Variants in CNTN5 observed in about 807,000 individuals in gnomAD.
The protein encoded by CNTN5 is contactin 5.
CNTN5 carries 77 observed loss-of-function variants against 129.1 expected under a neutral mutation model. The observed-to-expected ratio is 0.60, with a 90% CI of 0.50 to 0.72. The LOEUF (loss-of-function observed/expected upper bound fraction) is 0.72, where lower values mean the gene tolerates loss of function less well. CNTN5 is among the 30% of genes least tolerant of loss of function. CNTN5 has a pLI of 0.00. For synonymous variants in CNTN5, 509 were observed against 465.6 expected (o/e 1.09, Z -1.20); for missense variants, 1,478 against 1,328.8 (o/e 1.11, Z -1.75).
chr11:100,094,266 C>G (rs1466189), intron 13 of CNTN5, among the ~76,000 whole-genome samples: 6,204 of 152,046 alleles, frequency 0.041, 404 homozygotes, highest in African/African-American at 0.14. Flanking sequence ...TCTTCTTTCT[C>G]CACCTCTTCA....
intron 18 of CNTN5, among the ~76,000 whole-genome samples, chr11:100,279,104 T>C (rs548148857): frequency 3.9e-5 from 6 of 152,168 alleles, no homozygotes; most frequent in South Asian, 2.1e-4. Flanking sequence ...ATGTATCACA[T>C]TGACTTATTT....
chr11:99,409,384 C>G (rs998913037), intron 2 of CNTN5, among the ~76,000 whole-genome samples: 1 of 152,132 alleles, frequency 6.6e-6, no homozygotes, highest in Admixed American at 6.5e-5. Flanking sequence ...AGGAGAATGG[C>G]GTGAACCCGG....
At chr11:99,788,099 C>T (rs374346488) in intron 3 of CNTN5, among the ~76,000 whole-genome samples, 1 of 151,928 alleles carries the variant, frequency 6.6e-6, no homozygotes, top group East Asian at 1.9e-4. Context: ...GGCTTTGCTT[C>T]GTTCTATTTT....
At chr11:99,726,154 A>G (rs952732842) in intron 3 of CNTN5, among the ~76,000 whole-genome samples, 3 of 152,132 alleles carry the variant, frequency 2.0e-5, no homozygotes, top group Non-Finnish European at 1.5e-5. Flanking sequence ...ACCATCACTT[A>G]TGACTACACT....
At chr11:99,262,845 T>C (rs1292449423) in intron 1 of CNTN5, among the ~76,000 whole-genome samples, 1 of 152,096 alleles carries the variant, frequency 6.6e-6, no homozygotes, top group Non-Finnish European at 1.5e-5. Context: ...GCTTACAATT[T>C]ATTCTTTCTC....
At chr11:99,954,487 G>A (rs1307827173) in intron 7 of CNTN5, among the ~76,000 whole-genome samples, 4 of 152,098 alleles carry the variant, frequency 2.6e-5, no homozygotes, top group Non-Finnish European at 5.9e-5. Context: ...TATTTTTAAG[G>A]GCCAGGTGCA....
intron 21 of CNTN5, among the ~76,000 whole-genome samples, chr11:100,317,480 A>G (rs935186661): frequency 6.6e-6 from 1 of 152,226 alleles, no homozygotes; most frequent in African/African-American, 2.4e-5. Flanking sequence ...ATAAGAAACT[A>G]AACAATAAGA....
intron 3 of CNTN5, among the ~76,000 whole-genome samples, chr11:99,765,173 T>C (rs1944711244): frequency 6.6e-6 from 1 of 152,036 alleles, no homozygotes. Flanking sequence ...GAGTCCAGTT[T>C]CTCTATTAGA....
intron 12 of CNTN5, among the ~76,000 whole-genome samples, chr11:100,072,676 G>A (rs1943969491): frequency 6.6e-6 from 1 of 152,098 alleles, no homozygotes; most frequent in African/African-American, 2.4e-5. Context: ...GAATCTTGGA[G>A]CCCACCATTT....
chr11:99,771,470 A>T (rs1046707579), intron 3 of CNTN5, among the ~76,000 whole-genome samples: 1 of 152,198 alleles, frequency 6.6e-6, no homozygotes, highest in East Asian at 1.9e-4. Context: ...ATTTGGCCAT[A>T]ACAAGCAAGA....
chr11:99,183,642 G>A (rs904818519), intron 1 of CNTN5, among the ~76,000 whole-genome samples: 1 of 151,962 alleles, frequency 6.6e-6, no homozygotes, highest in Non-Finnish European at 1.5e-5. Context: ...ATTCTCCAAA[G>A]CTCTATCCTC....
intron 11 of CNTN5, 43 bp downstream of exon 11, chr11:100,070,603 G>A (rs200786557): frequency 1.2e-5 from 19 of 1,595,044 alleles, no homozygotes; most frequent in South Asian, 2.2e-5. Flanking sequence ...TAATTTTAGC[G>A]AGATTTCACA....
At chr11:99,454,753 A>C (rs990171759) in intron 2 of CNTN5, among the ~76,000 whole-genome samples, 1 of 152,286 alleles carries the variant, frequency 6.6e-6, no homozygotes, top group African/African-American at 2.4e-5. Context: ...GCTGTGTAGA[A>C]ATACCTGATA....
At chr11:99,803,633 C>T (rs1240964403) in intron 3 of CNTN5, among the ~76,000 whole-genome samples, 2 of 152,166 alleles carry the variant, frequency 1.3e-5, no homozygotes, top group African/African-American at 2.4e-5. Flanking sequence ...CTATGTTGCT[C>T]CTAGATCCTC....
At chr11:100,141,875 G>A (rs79058622) in intron 13 of CNTN5, among the ~76,000 whole-genome samples, 5,777 of 152,168 alleles carry the variant, frequency 0.038, 354 homozygotes, top group African/African-American at 0.13. Context: ...ATGTCTAGGT[G>A]TGTCTGTGAG....
intron 13 of CNTN5, among the ~76,000 whole-genome samples, chr11:100,078,780 GATA>G (rs775235615): frequency 2.0e-4 from 30 of 152,238 alleles, no homozygotes; most frequent in Admixed American, 3.9e-4. Flanking sequence ...TATGTATAAT[GATA>G]ATGATACTGA....
chr11:100,079,035 A>C (rs1944257694), intron 13 of CNTN5, among the ~76,000 whole-genome samples: 1 of 152,146 alleles, frequency 6.6e-6, no homozygotes, highest in African/African-American at 2.4e-5. Context: ...AGAAGTGCCA[A>C]GGAAAGGGGG....
At chr11:100,190,665 C>T (rs1430360152) in intron 13 of CNTN5, among the ~76,000 whole-genome samples, 1 of 151,880 alleles carries the variant, frequency 6.6e-6, no homozygotes, top group African/African-American at 2.4e-5. Context: ...TGCCATAAAT[C>T]ATCTCTTGGC....
chr11:100,261,692 T>C (rs1201283868), intron 17 of CNTN5, among the ~76,000 whole-genome samples: 1 of 152,064 alleles, frequency 6.6e-6, no homozygotes, highest in African/African-American at 2.4e-5. Context: ...AAACAAGAAA[T>C]GGGGAAAGGA....
Sources: allele counts gnomAD v4.1 joint callset (sites outside exome capture counted in the v4.1 genomes callset), GRCh38; gene constraint gnomAD v4.1.1; transcripts MANE v1.5; gene names NCBI Gene and HGNC (gene_info 2026-07-23, HGNC 2026-07-21).